The following SYNE2 variants were observed in gnomAD, a reference collection of about 807,000 sequenced individuals.
The protein encoded by SYNE2 is spectrin repeat containing nuclear envelope protein 2.
A neutral mutation model predicts 856.3 loss-of-function variants in SYNE2; 431 were observed. That is an observed-to-expected ratio of 0.50 (90% CI 0.47 to 0.55). The LOEUF is 0.55. SYNE2 is among the 20% of genes least tolerant of loss of function. The probability of loss-of-function intolerance (pLI) is 0.00; values close to 1 mark genes in which losing one functional copy is unlikely to be tolerated. For synonymous variants in SYNE2, 2,923 were observed against 2,872.3 expected, an observed-to-expected ratio of 1.02 and a Z score of -0.56; for missense variants, 8,129 against 8,023.2, an observed-to-expected ratio of 1.01 and a Z score of -0.50.
chr14:64,016,115 T>C (rs1175736995), intron 32 of SYNE2, among the ~76,000 whole-genome samples: 2 of 152,094 alleles, frequency 1.3e-5, no homozygotes, highest in Non-Finnish European at 2.9e-5. Flanking sequence ...TGATTCTTAT[T>C]AGGCAGATGT....
chr14:64,157,285 G>C (rs1405105278), intron 85 of SYNE2, among the ~76,000 whole-genome samples: 3 of 152,090 alleles, frequency 2.0e-5, no homozygotes, highest in Non-Finnish European at 4.4e-5. Context: ...GCAGCCACTA[G>C]TCTACCTTCT....
At chr14:63,782,298 A>C (rs570965377) in intron 1 of SYNE2, among the ~76,000 whole-genome samples, 87 of 151,814 alleles carry the variant, frequency 5.7e-4, no homozygotes, top group African/African-American at 2.1e-3. Flanking sequence ...AAATGGTGAA[A>C]CCCTGTTGAA....
chr14:64,014,966 TATATATATAC>T (rs1259189609), intron 32 of SYNE2, among the ~76,000 whole-genome samples: 2 of 59,344 alleles, frequency 3.4e-5, no homozygotes, highest in South Asian at 5.2e-4. Flanking sequence ...TATATATATA[TATATATATAC>T]ACACACACAC....
chr14:63,836,262 A>C (rs1889857399), intron 1 of SYNE2, among the ~76,000 whole-genome samples: 1 of 152,090 alleles, frequency 6.6e-6, no homozygotes, highest in South Asian at 2.1e-4. Context: ...GGGCTCATGC[A>C]ATCTGCCCAT....
At chr14:64,124,910 GGA>G in intron 70 of SYNE2, among the ~76,000 whole-genome samples, 167 bp from the exon 71 acceptor site, 1 of 152,192 alleles carries the variant, frequency 6.6e-6, no homozygotes, top group East Asian at 1.9e-4. Context: ...GGCTGAGGTA[GGA>G]GAATCTCTTG....
At chr14:64,100,247 G>T (rs571685463) in intron 63 of SYNE2, 1 of 151,468 alleles carries the variant, frequency 6.6e-6, no homozygotes, top group African/African-American at 2.4e-5. Context: ...ACCAAACACC[G>T]CATATTCTCA....
At chr14:63,810,886 G>A (rs1269578533) in intron 1 of SYNE2, among the ~76,000 whole-genome samples, 2 of 152,142 alleles carry the variant, frequency 1.3e-5, no homozygotes, top group African/African-American at 4.8e-5. Flanking sequence ...CCATGCTGGA[G>A]TGCAGTGGCA....
intron 1 of SYNE2, among the ~76,000 whole-genome samples, chr14:63,802,387 A>G (rs372412786): frequency 2.0e-5 from 3 of 151,940 alleles, no homozygotes; most frequent in African/African-American, 7.2e-5. Context: ...GATTACAGGC[A>G]TGAGCCACTA....
At chr14:63,787,594 G>A (rs140514645) in intron 1 of SYNE2, among the ~76,000 whole-genome samples, 1 of 152,350 alleles carries the variant, frequency 6.6e-6, no homozygotes, top group Non-Finnish European at 1.5e-5. Context: ...GAGACCTGCA[G>A]TGGGTAGCTC....
chr14:63,800,190 T>C (rs1391183266), intron 1 of SYNE2, among the ~76,000 whole-genome samples: 8 of 152,142 alleles, frequency 5.3e-5, no homozygotes, highest in Non-Finnish European at 1.2e-4. Flanking sequence ...AGGCAATTAG[T>C]CTCTGATTTT....
At chr14:63,884,018 C>T (rs1262621862) in intron 1 of SYNE2, among the ~76,000 whole-genome samples, 2 of 152,104 alleles carry the variant, frequency 1.3e-5, no homozygotes, top group African/African-American at 2.4e-5. Flanking sequence ...GAGAAGCGGG[C>T]CCTTGGTGTG....
At chr14:64,036,239 T>G (rs1437736822) in intron 45 of SYNE2, among the ~76,000 whole-genome samples, 3 of 152,078 alleles carry the variant, frequency 2.0e-5, no homozygotes, top group Admixed American at 1.3e-4. Context: ...TAAGAATGTT[T>G]TGAACTTTCT....
At chr14:63,886,004 C>T (rs1008557184) in intron 1 of SYNE2, among the ~76,000 whole-genome samples, 2 of 152,186 alleles carry the variant, frequency 1.3e-5, no homozygotes, top group Admixed American at 6.5e-5. Context: ...CGGCCTTCCT[C>T]CCTCCCTCTT....
At chr14:63,965,685 T>C (rs534450940) in intron 10 of SYNE2, among the ~76,000 whole-genome samples, 1 of 152,286 alleles carries the variant, frequency 6.6e-6, no homozygotes, top group African/African-American at 2.4e-5. Flanking sequence ...AGTCAAAGAG[T>C]TGGATAAGTC....
At chr14:64,221,828 A>G in intron 112 of SYNE2, 124 bp downstream of exon 112, 1 of 1,170,016 alleles carries the variant, frequency 8.5e-7, no homozygotes, top group Admixed American at 1.8e-5. Flanking sequence ...CTGTAAATGC[A>G]CGAGTTCAGC....
intron 74 of SYNE2, among the ~76,000 whole-genome samples, chr14:64,129,396 A>G (rs2097987930): frequency 6.6e-6 from 1 of 152,210 alleles, no homozygotes; most frequent in African/African-American, 2.4e-5. Flanking sequence ...CCAAAAGTCC[A>G]TTGAGAGCTG....
rs1447595441 is a variant in SYNE2 at position 64,100,528 on chromosome 14, AAAAATATATATATATATATATATAT to A, written c.12382-1402_12382-1378del. Among the ~76,000 whole-genome samples the A allele has an allele frequency of 6.9e-4, 51 of 74,418 alleles. 3 individuals carry two copies. Among genetic ancestry groups the A allele is most frequent in the African/African-American group, 3.5e-3 (49 of 13,826 alleles). The allele number at this position is 74,418 out of a possible 152,430, so 48.8% of individuals were successfully genotyped here. A position where few individuals can be genotyped will look rare whatever the true frequency, so the allele number is the denominator to read the frequency against. On this transcript the variant is annotated intron_variant, in intron 63 of 115. Transcript: ENST00000555002. ...CAAAACTGTCTCAAAAAAAAAAAAA[AAAAATATATATATATATATATATAT>A]ATATATATATATATATATTTATGAC...
chr14:63,801,668 C>T (rs1345954033), intron 1 of SYNE2, among the ~76,000 whole-genome samples: 1 of 151,684 alleles, frequency 6.6e-6, no homozygotes, highest in African/African-American at 2.4e-5. Context: ...CAGTGAAACT[C>T]CATCTCGAAA....
At chr14:63,902,677 C>G (rs965128675) in intron 1 of SYNE2, among the ~76,000 whole-genome samples, 1 of 151,578 alleles carries the variant, frequency 6.6e-6, no homozygotes, top group African/African-American at 2.4e-5. Context: ...CCTCACTCCT[C>G]TTTCTTTCCT....
Sources: allele counts gnomAD v4.1 joint callset (sites outside exome capture counted in the v4.1 genomes callset), GRCh38; gene constraint gnomAD v4.1.1; transcripts MANE v1.5; gene names NCBI Gene and HGNC (gene_info 2026-07-23, HGNC 2026-07-21).